The following FAM81B variants were observed in gnomAD, a reference collection of about 807,000 sequenced individuals.
The protein encoded by FAM81B is protein FAM81B.
In FAM81B, 60 loss-of-function variants were observed where a neutral mutation model predicts 58.7. That is an observed-to-expected ratio of 1.02 (90% CI 0.83 to 1.27). The LOEUF (loss-of-function observed/expected upper bound fraction) is 1.27, where lower values mean the gene tolerates loss of function less well. Ranked by LOEUF, FAM81B falls within the 50% of genes most tolerant of loss-of-function variation. FAM81B has a pLI of 0.00. For missense variants in FAM81B, 491 were observed against 522.0 expected, an observed-to-expected ratio of 0.94 and a Z score of 0.58; for synonymous variants, 189 against 179.6, an observed-to-expected ratio of 1.05 and a Z score of -0.42.
At chr5:95,441,532 C>A (rs986602199) in intron 7 of FAM81B, among the ~76,000 whole-genome samples, 1 of 151,890 alleles carries the variant, frequency 6.6e-6, no homozygotes, top group African/African-American at 2.4e-5. Context: ...TCGTGCCACT[C>A]TCCTCCAGCC....
chr5:95,393,686 T>G (rs1348662298), intron 2 of FAM81B, among the ~76,000 whole-genome samples: 1 of 152,186 alleles, frequency 6.6e-6, no homozygotes, highest in Admixed American at 6.5e-5. Context: ...CTTTCCATAA[T>G]AAGGGTTTCA....
intron 3 of FAM81B, among the ~76,000 whole-genome samples, chr5:95,405,670 C>G (rs1057426965): frequency 3.3e-5 from 5 of 152,118 alleles, no homozygotes; most frequent in Non-Finnish European, 5.9e-5. Flanking sequence ...TTAATCTGGC[C>G]TTTGAACTCA....
rs114695757 is a variant in FAM81B at position 95,420,508 on chromosome 5, T to G, written c.656+106T>G. The G allele has an allele frequency of 6.0e-4, 864 of 1,446,472 alleles. 11 individuals are homozygous for G. In the African/African-American group the frequency reaches 0.011, roughly 18 times the overall value. The allele number at this position is 1,446,472 out of a possible 1,614,324, so 89.6% of individuals were successfully genotyped here. A position where few individuals can be genotyped will look rare whatever the true frequency, so the allele number is the denominator to read the frequency against. On this transcript the variant is annotated intron_variant, in intron 5 of 9. Transcript: ENST00000283357. ...TGGAAAAAAGATATTGTCTACACAT[T>G]AAGCTAAACTAATGAGATGGCATTT...
At chr5:95,444,332 G>C (rs1047572434) in intron 7 of FAM81B, among the ~76,000 whole-genome samples, 2 of 152,156 alleles carry the variant, frequency 1.3e-5, no homozygotes, top group Non-Finnish European at 2.9e-5. Flanking sequence ...ATTAGTGTGC[G>C]TCAGATGGTG....
intron 4 of FAM81B, among the ~76,000 whole-genome samples, chr5:95,418,086 C>G (rs1383438383): frequency 1.3e-5 from 2 of 152,186 alleles, no homozygotes; most frequent in African/African-American, 4.8e-5. Context: ...AGTGTTCAAT[C>G]GTGTGCTGTT....
rs10476647 is a variant in FAM81B, at chr5:95,429,849, T to C, written c.786+1117T>C. The stretch of plus-strand genomic sequence containing the variant: ...GCTATTGGTTAGAAATATTTTTTAA[T>C]CATGTTAAGGAAGTATCCAGTGATT... On this transcript the variant is annotated intron_variant, in intron 6 of 9. Transcript: ENST00000283357. 4.3e-3 allele frequency among the ~76,000 whole-genome samples: 652 copies of C among 152,292 alleles called. 6 individuals are homozygous for C. The highest frequency in any genetic ancestry group is 7.5e-3 in the Non-Finnish European group (509 of 68,016).
intron 8 of FAM81B, among the ~76,000 whole-genome samples, chr5:95,447,329 C>T (rs1270828427): frequency 6.6e-6 from 1 of 152,156 alleles, no homozygotes; most frequent in Non-Finnish European, 1.5e-5. Flanking sequence ...GGTAGAGAGA[C>T]TTTAGGCAGA....
At chr5:95,425,583 C>T (rs1762802537) in intron 5 of FAM81B, among the ~76,000 whole-genome samples, 1 of 152,076 alleles carries the variant, frequency 6.6e-6, no homozygotes. Context: ...ATCTGGATGA[C>T]AAAATCTGGC....
chr5:95,403,837 C>T (rs1762174955), intron 3 of FAM81B, among the ~76,000 whole-genome samples: 1 of 152,120 alleles, frequency 6.6e-6, no homozygotes, highest in South Asian at 2.1e-4. Flanking sequence ...GCTTCACATG[C>T]TCTTACCATA....
chr5:95,397,658 C>T (rs574967668), intron 3 of FAM81B, among the ~76,000 whole-genome samples: 1 of 152,226 alleles, frequency 6.6e-6, no homozygotes, highest in Non-Finnish European at 1.5e-5. Context: ...AAAATGAAGA[C>T]AAAGAGGAAG....
In FAM81B at chr5:95,436,814, A is replaced by C; in HGVS notation, c.801A>C (p.Leu267Phe). Residue 267 changes from leucine to phenylalanine, a missense_variant, in exon 7 of 10, where the codon TTA becomes TTC. By Grantham distance (22) the Leu-to-Phe change is conservative. Transcript: ENST00000283357. ...KNLDMKVMQL[L>F]GKIETASSEQ... ...ACTTTGACTAGGTGATGCAGCTCTT[A>C]GGAAAGATAGAAACTGCCAGTTCTG... 1 of 1,613,176 alleles carries C rather than the reference A, an allele frequency of 6.2e-7. No homozygotes were observed. Among genetic ancestry groups the C allele is most frequent in the South Asian group, 1.1e-5 (1 of 91,074 alleles).
At chr5:95,407,297 C>T (rs1469334645) in intron 3 of FAM81B, among the ~76,000 whole-genome samples, 1 of 150,010 alleles carries the variant, frequency 6.7e-6, no homozygotes, top group Non-Finnish European at 1.5e-5. Flanking sequence ...CACACACGCA[C>T]ATCTGCCAGC....
intron 2 of FAM81B, among the ~76,000 whole-genome samples, chr5:95,393,329 C>A (rs1338927215): frequency 1.3e-5 from 2 of 152,168 alleles, no homozygotes; most frequent in Non-Finnish European, 2.9e-5. Flanking sequence ...CTTCTCTTAA[C>A]ACCTTGTAAT....
At chr5:95,440,393 A>G in intron 7 of FAM81B, 3 of 689,664 alleles carry the variant, frequency 4.3e-6, no homozygotes, top group South Asian at 2.7e-5. Context: ...TTCAGATTCA[A>G]TGTCATGACG....
At chr5:95,420,929 A>T (rs1233952998) in intron 5 of FAM81B, among the ~76,000 whole-genome samples, 1 of 152,174 alleles carries the variant, frequency 6.6e-6, no homozygotes, top group Non-Finnish European at 1.5e-5. Context: ...ATGACTTGTG[A>T]ATGGCTGACT....
At chr5:95,392,625 G>C (rs531337051) in intron 1 of FAM81B, among the ~76,000 whole-genome samples, 169 bp from the exon 2 acceptor site, 203 of 152,196 alleles carry the variant, frequency 1.3e-3, no homozygotes, top group African/African-American at 4.6e-3. Flanking sequence ...TGGGGGGATG[G>C]GGGAGAATTG....
intron 6 of FAM81B, among the ~76,000 whole-genome samples, chr5:95,432,514 G>A (rs1744942691): frequency 6.6e-6 from 1 of 152,010 alleles, no homozygotes; most frequent in Admixed American, 6.6e-5. Flanking sequence ...ATGATTTGAT[G>A]GGGAAGGAAG....
chr5:95,448,801 G>T (rs1433158434), intron 9 of FAM81B: 1 of 441,426 alleles, frequency 2.3e-6, no homozygotes, highest in South Asian at 1.7e-5. Flanking sequence ...TTGTGGGTAT[G>T]TTATGAAATT....
At chr5:95,441,063 C>T (rs1745323506) in intron 7 of FAM81B, among the ~76,000 whole-genome samples, 1 of 152,138 alleles carries the variant, frequency 6.6e-6, no homozygotes, top group Non-Finnish European at 1.5e-5. Context: ...CCACCACCAT[C>T]CTCATTAGTA....
Sources: allele counts gnomAD v4.1 joint callset (sites outside exome capture counted in the v4.1 genomes callset), GRCh38; gene constraint gnomAD v4.1.1; transcripts MANE v1.5; gene names NCBI Gene and HGNC (gene_info 2026-07-23, HGNC 2026-07-21).